FREM3: variants seen among roughly 807,000 people sequenced by gnomAD.
FREM3 encodes the protein FRAS1-related extracellular matrix protein 3.
Under a neutral mutation model 129.1 loss-of-function variants are expected in FREM3, and 105 were observed. That is an observed-to-expected ratio of 0.81 (90% CI 0.69 to 0.96). The LOEUF (loss-of-function observed/expected upper bound fraction) is 0.96. Ranked by LOEUF, FREM3 falls within the 40% of genes least tolerant of loss-of-function variation. The pLI, the probability that FREM3 is intolerant of heterozygous loss-of-function variation, is 0.00. For missense variants in FREM3, 2,593 were observed against 2,666.3 expected (o/e 0.97, Z 0.61); for synonymous variants, 1,014 against 1,044.9 (o/e 0.97, Z 0.57).
At chr4:143,635,332 A>C (rs1560852643) in intron 2 of FREM3, among the ~76,000 whole-genome samples, 1 of 152,222 alleles carries the variant, frequency 6.6e-6, no homozygotes, top group Non-Finnish European at 1.5e-5. Flanking sequence ...ACATCAAAGC[A>C]TGACACTTTG....
chr4:143,658,372 C>G (rs888865862), intron 2 of FREM3, among the ~76,000 whole-genome samples: 3 of 152,136 alleles, frequency 2.0e-5, no homozygotes, highest in African/African-American at 7.2e-5. Flanking sequence ...CAGGCCCTCA[C>G]CAGATACCAA....
intron 2 of FREM3, among the ~76,000 whole-genome samples, chr4:143,658,942 T>C (rs1190699210): frequency 6.6e-6 from 1 of 151,918 alleles, no homozygotes; most frequent in African/African-American, 2.4e-5. Flanking sequence ...GCTTTTGCTG[T>C]TTCTCCCTTT....
At chr4:143,579,697 C>A (rs367982366) in intron 7 of FREM3, among the ~76,000 whole-genome samples, 5 of 152,160 alleles carry the variant, frequency 3.3e-5, no homozygotes, top group Non-Finnish European at 5.9e-5. Flanking sequence ...CAGTATCTGG[C>A]AAATAGTAGG....
chr4:143,587,091 T>A (rs1180746520), intron 6 of FREM3, among the ~76,000 whole-genome samples: 1 of 152,216 alleles, frequency 6.6e-6, no homozygotes, highest in East Asian at 1.9e-4. Context: ...GAGGGAGTAG[T>A]AGTAGTAAAA....
intron 5 of FREM3, among the ~76,000 whole-genome samples, chr4:143,618,682 T>C (rs1018090): frequency 0.46 from 69,942 of 152,014 alleles, 16,434 homozygotes; most frequent in African/African-American, 0.54. Flanking sequence ...TCACTTGAAG[T>C]CAGGAGTTCG....
At chr4:143,664,098 C>T (rs1464795414) in intron 2 of FREM3, among the ~76,000 whole-genome samples, 3 of 152,154 alleles carry the variant, frequency 2.0e-5, no homozygotes, top group East Asian at 3.8e-4. Flanking sequence ...CAAAGTCATT[C>T]TCCGTCCCGC....
intron 6 of FREM3, among the ~76,000 whole-genome samples, chr4:143,595,717 C>T (rs1382527300): frequency 1.3e-5 from 2 of 151,974 alleles, no homozygotes; most frequent in Admixed American, 6.6e-5. Context: ...GAAACCCCGT[C>T]TCTACTAAAA....
At chr4:143,602,518 G>A (rs1292640530) in intron 6 of FREM3, among the ~76,000 whole-genome samples, 1 of 152,124 alleles carries the variant, frequency 6.6e-6, no homozygotes, top group African/African-American at 2.4e-5. Context: ...GCTGCCAAAT[G>A]AGTGCCCCAT....
At position 143,676,862 on chromosome 4, in the gene FREM3, A is replaced by C. The variant is rs1223371157; in HGVS notation, c.5275+16251T>G. 2.0e-5 allele frequency among the ~76,000 whole-genome samples: 3 copies of C among 149,322 alleles called. No homozygotes were observed. In the East Asian group the frequency reaches 6.0e-4, roughly 30 times the overall value. On this transcript the variant is annotated intron_variant, in intron 2 of 7. Coordinates refer to ENST00000329798, the MANE Select transcript of FREM3 (RefSeq NM_001168235.2). ...GACGTGAAGGACCTCTTCAAGGAGA[A>C]CTACAAACCACTGCTCAATGAAATA...
intron 5 of FREM3, among the ~76,000 whole-genome samples, chr4:143,611,853 G>A (rs1053163911): frequency 6.6e-6 from 1 of 152,194 alleles, no homozygotes; most frequent in Non-Finnish European, 1.5e-5. Context: ...AAACTGAGGT[G>A]TAGTAAAATT....
chr4:143,682,148 G>C (rs1026407017), intron 2 of FREM3, among the ~76,000 whole-genome samples: 1 of 152,090 alleles, frequency 6.6e-6, no homozygotes, highest in East Asian at 1.9e-4. Flanking sequence ...TACAAAATTT[G>C]GTATCCTAGT....
Position 143,585,709 on chromosome 4 carries a change from A to G in FREM3, c.6178+135T>C. 2 of 816,538 alleles carry G rather than the reference A, an allele frequency of 2.4e-6. No homozygotes were observed. The highest frequency in any genetic ancestry group is 3.7e-6 in the Non-Finnish European group (2 of 536,096). 50.6% of individuals were successfully genotyped at this position (816,538 alleles called of 1,614,324 possible). ...GCAGAAGTCATTATGTATACAAACCATCTACGTGCTGAAGCCAGAGAAACT... is the reference window on the plus strand; with the variant it reads ...GCAGAAGTCATTATGTATACAAACCGTCTACGTGCTGAAGCCAGAGAAACT... On this transcript the variant is annotated intron_variant, in intron 7 of 7. Coordinates refer to ENST00000329798, the MANE Select transcript of FREM3 (RefSeq NM_001168235.2). The surrounding 1 kb of genome is among the most constrained non-coding windows in gnomAD (Gnocchi z 4.2).
rs114571449 is a variant in FREM3, at chr4:143,651,801, A to T, written c.5276-24041T>A. 8.1e-3 allele frequency among the ~76,000 whole-genome samples: 1,237 copies of T among 152,324 alleles called. 8 individuals are homozygous for T. The highest frequency in any genetic ancestry group is 0.012 in the Non-Finnish European group (841 of 68,034). On this transcript the variant is annotated intron_variant, in intron 2 of 7. Transcript: ENST00000329798. ...TTAAGTCATTTATACTTCTTAACAG[A>T]TGGAAGGAGAGAAGGAAGTAAAGAT...
intron 2 of FREM3, among the ~76,000 whole-genome samples, chr4:143,658,227 C>T (rs1173534287): frequency 2.6e-5 from 4 of 152,186 alleles, no homozygotes; most frequent in South Asian, 2.1e-4. Flanking sequence ...TATTAGGAGA[C>T]GTGGCCTTTG....
intron 2 of FREM3, among the ~76,000 whole-genome samples, chr4:143,676,586 G>A (rs998653149): frequency 7.2e-5 from 11 of 152,048 alleles, no homozygotes; most frequent in Non-Finnish European, 1.3e-4. Flanking sequence ...CAATTAGGAA[G>A]AGAGGAAGTC....
At chr4:143,602,794 C>T (rs568184299) in intron 6 of FREM3, among the ~76,000 whole-genome samples, 9 of 152,222 alleles carry the variant, frequency 5.9e-5, no homozygotes, top group Middle Eastern at 3.4e-3. Flanking sequence ...AGGAAAATGG[C>T]GTTAGCTGAA....
At chr4:143,587,383 A>C (rs1738260634) in intron 6 of FREM3, among the ~76,000 whole-genome samples, 1 of 152,204 alleles carries the variant, frequency 6.6e-6, no homozygotes, top group Non-Finnish European at 1.5e-5. Context: ...CAATTTGCTC[A>C]CCTCAGGCAT....
intron 2 of FREM3, among the ~76,000 whole-genome samples, chr4:143,631,446 T>A (rs1278030462): frequency 6.6e-6 from 1 of 152,120 alleles, no homozygotes; most frequent in African/African-American, 2.4e-5. Context: ...CAGGTTCAAG[T>A]GATTCTCCTG....
chr4:143,579,635 C>T (rs1738098548), intron 7 of FREM3, among the ~76,000 whole-genome samples: 1 of 152,050 alleles, frequency 6.6e-6, no homozygotes, highest in South Asian at 2.1e-4. Context: ...ATGATAGCTA[C>T]CTTATAAGGT....
Sources: allele counts gnomAD v4.1 joint callset (sites outside exome capture counted in the v4.1 genomes callset), GRCh38; gene constraint gnomAD v4.1.1; non-coding constraint Gnocchi (gnomAD v3.1); transcripts MANE v1.5; gene names NCBI Gene and HGNC (gene_info 2026-07-23, HGNC 2026-07-21).